XYLT1: variants seen among roughly 807,000 people sequenced by gnomAD.
XYLT1 encodes xylosyltransferase 1, also known as beta-D-xylosyltransferase 1.
In XYLT1, 36 loss-of-function variants were observed where a neutral mutation model predicts 91.3. That is an observed-to-expected ratio of 0.39 (90% CI 0.30 to 0.52). The LOEUF is 0.52. XYLT1 is among the 20% of genes least tolerant of loss of function. The probability of loss-of-function intolerance (pLI) is 0.68; values close to 1 mark genes in which losing one functional copy is unlikely to be tolerated. For synonymous variants in XYLT1, 588 were observed against 532.0 expected, an observed-to-expected ratio of 1.11 and a Z score of -1.45; for missense variants, 1,242 against 1,284.5, an observed-to-expected ratio of 0.97 and a Z score of 0.51.
chr16:17,231,770 T>C (rs2033159665), intron 3 of XYLT1, among the ~76,000 whole-genome samples: 1 of 152,098 alleles, frequency 6.6e-6, no homozygotes, highest in Non-Finnish European at 1.5e-5. Context: ...AGTAACAATA[T>C]GGTATAAAAG....
At chr16:17,119,689 T>C (rs1307594011) in intron 10 of XYLT1, among the ~76,000 whole-genome samples, 2 of 152,232 alleles carry the variant, frequency 1.3e-5, no homozygotes, top group Non-Finnish European at 2.9e-5. Context: ...GGGGAGACCC[T>C]TGTCATTATC....
At chr16:17,112,037 C>T (rs887673108) in intron 11 of XYLT1, among the ~76,000 whole-genome samples, 7 of 152,112 alleles carry the variant, frequency 4.6e-5, no homozygotes, top group Middle Eastern at 6.8e-3. Flanking sequence ...GAGGAGATAC[C>T]GAAACTGACA....
At chr16:17,443,532 G>A (rs938763223) in intron 1 of XYLT1, among the ~76,000 whole-genome samples, 2 of 152,174 alleles carry the variant, frequency 1.3e-5, no homozygotes, top group Non-Finnish European at 2.9e-5. Flanking sequence ...CTTCCACCAT[G>A]ATTGTAAGTT....
chr16:17,148,952 A>G (rs879916720), intron 6 of XYLT1, among the ~76,000 whole-genome samples: 6 of 152,224 alleles, frequency 3.9e-5, no homozygotes, highest in Non-Finnish European at 7.3e-5. Context: ...ATTCAGTTTT[A>G]CTTCCTAGGC....
chr16:17,332,567 T>TATACAC (rs1555498154), intron 2 of XYLT1, among the ~76,000 whole-genome samples: 2 of 138,006 alleles, frequency 1.4e-5, no homozygotes, highest in African/African-American at 5.4e-5. Context: ...ATCACACACA[T>TATACAC]ACACACACAC....
chr16:17,421,970 T>C (rs2036256347), intron 1 of XYLT1, among the ~76,000 whole-genome samples: 1 of 151,972 alleles, frequency 6.6e-6, no homozygotes, highest in African/African-American at 2.4e-5. Context: ...TCCAAGTAGT[T>C]AGGTCTACGT....
intron 3 of XYLT1, among the ~76,000 whole-genome samples, chr16:17,229,504 T>C (rs1240157664): frequency 6.6e-6 from 1 of 152,200 alleles, no homozygotes; most frequent in Non-Finnish European, 1.5e-5. Flanking sequence ...TTATGGCTTA[T>C]GCTGGGATCT....
intron 2 of XYLT1, among the ~76,000 whole-genome samples, chr16:17,327,361 C>CTTTTTTTTTTTT (rs138879762): frequency 1.6e-4 from 17 of 108,076 alleles, no homozygotes; most frequent in East Asian, 7.3e-4. Flanking sequence ...TTTCTTTTTT[C>CTTTTTTTTTTTT]TTTTTTTTTT....
intron 1 of XYLT1, 79 bp from the exon 2 acceptor site, chr16:17,358,129 C>CT (rs2035329040): frequency 1.5e-6 from 2 of 1,306,806 alleles, no homozygotes; most frequent in Non-Finnish European, 2.1e-6. Context: ...TTCTTTCTTT[C>CT]CTTTTTTTTT....
intron 5 of XYLT1, among the ~76,000 whole-genome samples, chr16:17,197,006 G>T (rs1487172230): frequency 9.6e-6 from 1 of 104,682 alleles, no homozygotes; most frequent in Non-Finnish European, 1.9e-5. Context: ...GCGAGACTCT[G>T]TCTCCAAAAT....
At chr16:17,455,142 G>A (rs909193467) in intron 1 of XYLT1, among the ~76,000 whole-genome samples, 2 of 152,094 alleles carry the variant, frequency 1.3e-5, no homozygotes, top group African/African-American at 2.4e-5. Context: ...TAGAAGTCAC[G>A]ATAGAGACCC....
chr16:17,445,406 A>G (rs916259677), intron 1 of XYLT1, among the ~76,000 whole-genome samples: 2 of 152,252 alleles, frequency 1.3e-5, no homozygotes, highest in African/African-American at 4.8e-5. Flanking sequence ...TGTTAAAGAA[A>G]GAGGTGACCA....
At chr16:17,442,795 A>G (rs1306114605) in intron 1 of XYLT1, among the ~76,000 whole-genome samples, 1 of 152,188 alleles carries the variant, frequency 6.6e-6, no homozygotes. Context: ...GAAAGACAAA[A>G]ACAAGATCGC....
chr16:17,435,023 T>A (rs2036438866), intron 1 of XYLT1, among the ~76,000 whole-genome samples: 1 of 152,236 alleles, frequency 6.6e-6, no homozygotes, highest in Admixed American at 6.5e-5. Context: ...CACACCTTAG[T>A]TCATCTTTCC....
At chr16:17,264,578 C>A (rs1295430379) in intron 2 of XYLT1, among the ~76,000 whole-genome samples, 1 of 152,152 alleles carries the variant, frequency 6.6e-6, no homozygotes, top group Non-Finnish European at 1.5e-5. Context: ...GACTCAAGAT[C>A]CAGAAAGCCA....
chr16:17,270,024 A>C (rs2141771257), intron 2 of XYLT1, among the ~76,000 whole-genome samples: 1 of 152,180 alleles, frequency 6.6e-6, no homozygotes, highest in East Asian at 1.9e-4. Context: ...CATGTTGGTC[A>C]GGCTGGTCTC....
intron 9 of XYLT1, among the ~76,000 whole-genome samples, chr16:17,132,355 TTGGATGGCTTTGTTGACTTGAGAA>T (rs144828963): frequency 0.012 from 1,855 of 152,144 alleles, 39 homozygotes; most frequent in African/African-American, 0.043. Flanking sequence ...GAGGTGGTCC[TTGGATGGCTTTGTTGACTTGAGAA>T]GGGGTGGCTG....
chr16:17,120,709 C>T (rs956181239), intron 10 of XYLT1, among the ~76,000 whole-genome samples: 9 of 152,114 alleles, frequency 5.9e-5, no homozygotes, highest in Non-Finnish European at 8.8e-5. Flanking sequence ...CAGATCTAGA[C>T]CGTCAACTCC....
chr16:17,161,093 C>G (rs2031538923), intron 5 of XYLT1, among the ~76,000 whole-genome samples: 1 of 152,156 alleles, frequency 6.6e-6, no homozygotes, highest in Non-Finnish European at 1.5e-5. Flanking sequence ...GCCCCCTTCT[C>G]GTGAAGCCTC....
Sources: gnomAD v4.1 joint callset for allele counts (sites outside exome capture counted in the v4.1 genomes callset) on GRCh38, gnomAD v4.1.1 for gene constraint, MANE v1.5 for transcripts, NCBI Gene and HGNC (gene_info 2026-07-23, HGNC 2026-07-21) for gene names.